Variants in HIRA observed in about 807,000 individuals in gnomAD.
HIRA encodes the protein protein HIRA.
In HIRA, 13 loss-of-function variants were observed where a neutral mutation model predicts 126.6. That is an observed-to-expected ratio of 0.10 (90% confidence interval 0.07 to 0.16). The LOEUF (loss-of-function observed/expected upper bound fraction) is 0.16, where lower values mean the gene tolerates loss of function less well. Ranked by LOEUF, HIRA falls within the 10% of genes least tolerant of loss-of-function variation. The pLI is 1.00. For missense variants in HIRA, 834 were observed against 1,314.4 expected, an observed-to-expected ratio of 0.63 and a Z score of 5.65; for synonymous variants, 511 against 520.0, an observed-to-expected ratio of 0.98 and a Z score of 0.24.
intron 13 of HIRA, among the ~76,000 whole-genome samples, chr22:19,379,073 G>A (rs1451526378): frequency 6.6e-6 from 1 of 151,550 alleles, no homozygotes; most frequent in Non-Finnish European, 1.5e-5. Context: ...CGCCGCCCAG[G>A]CTGGAGTGCA....
intron 2 of HIRA, among the ~76,000 whole-genome samples, chr22:19,409,288 C>CTTT (rs1556025180): frequency 1.4e-5 from 2 of 145,408 alleles, no homozygotes; most frequent in Admixed American, 6.9e-5. Flanking sequence ...GATTTCTTTT[C>CTTT]TTTTTTTTTT....
At chr22:19,407,063 C>T (rs1337447495) in intron 4 of HIRA, 121 bp downstream of exon 4, 6 of 768,486 alleles carry the variant, frequency 7.8e-6, no homozygotes, top group Non-Finnish European at 1.3e-5. Flanking sequence ...ATGCACTTTC[C>T]ACTACTTATG....
chr22:19,419,200 A>T (rs759570722), intron 1 of HIRA, among the ~76,000 whole-genome samples: 1 of 152,168 alleles, frequency 6.6e-6, no homozygotes, highest in Non-Finnish European at 1.5e-5. Flanking sequence ...GATCTTCTCT[A>T]TAACGGTCTG....
chr22:19,389,771 C>G (rs376621048), intron 9 of HIRA, among the ~76,000 whole-genome samples: 1 of 151,432 alleles, frequency 6.6e-6, no homozygotes, highest in African/African-American at 2.4e-5. Flanking sequence ...GGGCCTCTGG[C>G]TGGGAGGAAA....
intron 13 of HIRA, among the ~76,000 whole-genome samples, chr22:19,378,679 G>C (rs1430445531): frequency 6.6e-6 from 1 of 152,224 alleles, no homozygotes; most frequent in East Asian, 1.9e-4. Context: ...CTCCCCATGG[G>C]GTTGCTGTCA....
chr22:19,364,161 T>TA (rs975912884), intron 15 of HIRA, among the ~76,000 whole-genome samples: 31 of 138,748 alleles, frequency 2.2e-4, no homozygotes, highest in Admixed American at 5.8e-4. Flanking sequence ...TAAAGTCTAT[T>TA]AAAAAAAAAA....
At chr22:19,374,299 A>G (rs1285334698) in intron 15 of HIRA, among the ~76,000 whole-genome samples, 9 of 152,072 alleles carry the variant, frequency 5.9e-5, no homozygotes, top group Non-Finnish European at 8.8e-5. Flanking sequence ...CTAGGACAAT[A>G]GACATAAGCC....
At chr22:19,369,385 C>G (rs908426787) in intron 15 of HIRA, among the ~76,000 whole-genome samples, 1 of 152,178 alleles carries the variant, frequency 6.6e-6, no homozygotes. Context: ...ACAGCAGGAG[C>G]TGACATGTGC....
At position 19,352,323 on chromosome 22, in the gene HIRA, C is replaced by A. The variant is rs147192173; in HGVS notation, c.2849-877G>T. Among the ~76,000 whole-genome samples the A allele has an allele frequency of 5.5e-3, 843 of 151,942 alleles. 9 individuals are homozygous for A. Among genetic ancestry groups the A allele is most frequent in the African/African-American group, 0.018 (760 of 41,432 alleles). ...CAGTCAACACCCAGGATGAAGCAAA[C>A]CAGAGTGGAGTAAGAGGAGGGGCTC... On this transcript the variant is annotated intron_variant, in intron 23 of 24. Coordinates refer to ENST00000263208, the MANE Select transcript of HIRA (RefSeq NM_003325.4).
intron 14 of HIRA, among the ~76,000 whole-genome samples, chr22:19,376,726 G>A (rs962787488): frequency 3.3e-5 from 5 of 152,198 alleles, no homozygotes; most frequent in African/African-American, 1.2e-4. Context: ...CACAGCCATG[G>A]TGCTAGCACC....
At chr22:19,415,719 G>A (rs2089390879) in intron 1 of HIRA, among the ~76,000 whole-genome samples, 1 of 152,094 alleles carries the variant, frequency 6.6e-6, no homozygotes, top group Non-Finnish European at 1.5e-5. Context: ...AACCCGGGAG[G>A]TGGAGGTTGC....
intron 3 of HIRA, among the ~76,000 whole-genome samples, chr22:19,407,772 G>A (rs959145723): frequency 2.0e-5 from 3 of 152,066 alleles, no homozygotes; most frequent in Non-Finnish European, 4.4e-5. Flanking sequence ...TTCCAAACTC[G>A]CCAGCACTGC....
intron 15 of HIRA, among the ~76,000 whole-genome samples, chr22:19,371,970 G>C (rs2088969950): frequency 6.6e-6 from 1 of 152,054 alleles, no homozygotes; most frequent in Admixed American, 6.6e-5. Flanking sequence ...AATTCTCCTG[G>C]GTATGTATCT....
In HIRA at chr22:19,396,966, T is replaced by G; in HGVS notation, c.494-19A>C. On this transcript the variant is annotated intron_variant, in intron 6 of 24. Transcript: ENST00000263208. ...AGAATTTCTGTGAAGAAAAAAGGAA[T>G]GTGGAGAGGTGTTGTCTGAGGGAAA... 1 of 1,612,734 alleles carries G rather than the reference T, an allele frequency of 6.2e-7. No homozygotes were observed. The highest frequency in any genetic ancestry group is 8.5e-7 in the Non-Finnish European group (1 of 1,179,106).
chr22:19,408,622 T>C (rs2089325868), intron 2 of HIRA, 29 bp from the exon 3 acceptor site: 2 of 1,283,772 alleles, frequency 1.6e-6, no homozygotes, highest in Non-Finnish European at 2.3e-6. Context: ...AATGGCTGAA[T>C]GTGCAAGGAG....
At chr22:19,332,612 C>A (rs2088503083) in intron 24 of HIRA, among the ~76,000 whole-genome samples, 1 of 149,626 alleles carries the variant, frequency 6.7e-6, no homozygotes. Context: ...AAATGACTTG[C>A]AAGAGAATGG....
chr22:19,405,564 G>A lies in HIRA; in HGVS notation c.397+222C>T, dbSNP rs914506613. ...AAAGATATAAACATATACCCCATGA[G>A]GGCAAGAGTGGGGAGACTGAATGCA... is the stretch of plus-strand genomic sequence containing the variant. On this transcript the variant is annotated intron_variant, in intron 5 of 24. Coordinates refer to ENST00000263208, the MANE Select transcript of HIRA (RefSeq NM_003325.4). 9.7e-6 allele frequency: 9 copies of A among 927,690 alleles called. 1 individual carries two copies. Among genetic ancestry groups the A allele is most frequent in the Non-Finnish European group, 1.2e-5 (9 of 777,116 alleles). The allele number at this position is 927,690 out of a possible 1,614,324, so 57.5% of individuals were successfully genotyped here.
At chr22:19,424,972 G>A (rs1208565480) in intron 1 of HIRA, among the ~76,000 whole-genome samples, 1 of 152,142 alleles carries the variant, frequency 6.6e-6, no homozygotes, top group African/African-American at 2.4e-5. Context: ...GTAAAGTCCA[G>A]CAGAAGAGAC....
In HIRA at chr22:19,408,507, G is replaced by A. The variant is rs777023892; in HGVS notation, c.187C>T (p.Leu63Phe). 1 of 1,612,002 alleles carries A rather than the reference G, an allele frequency of 6.2e-7. No homozygotes were observed. Among genetic ancestry groups the A allele is most frequent in the East Asian group, 2.2e-5 (1 of 44,864 alleles). Reference protein sequence around the residue: ...DEKDENIPKMLCQMDNHLACV... With the variant: ...DEKDENIPKMFCQMDNHLACV... ...CCTAAGTGATTGTCCATCTGGCAAA[G>A]CATCTTGGGAATATTTTCATCCTTC... Residue 63 changes from leucine to phenylalanine, a missense_variant, in exon 3 of 25, where the codon CTT becomes TTT. Around this residue, in one of 5 missense-constraint regions of HIRA, gnomAD observed 102 missense variants for 191.4 expected, o/e 0.53. Transcript: ENST00000263208.
Sources: gnomAD v4.1 joint callset for allele counts (sites outside exome capture counted in the v4.1 genomes callset) on GRCh38, gnomAD v4.1.1 for gene constraint, gnomAD v4.1.1 regional missense constraint, MANE v1.5 for transcripts, NCBI Gene and HGNC (gene_info 2026-07-23, HGNC 2026-07-21) for gene names.